Variants in JAZF1 observed in about 807,000 individuals in gnomAD.
The protein encoded by JAZF1 is juxtaposed with another zinc finger protein 1.
In JAZF1, 8 loss-of-function variants were observed where a neutral mutation model predicts 26.4. The ratio of observed to expected loss-of-function variants is 0.30; its 90% CI spans 0.18 to 0.55. JAZF1 has a LOEUF of 0.55. Ranked by LOEUF, JAZF1 falls within the 20% of genes least tolerant of loss-of-function variation. The pLI is 0.94. For synonymous variants in JAZF1, 126 were observed against 122.3 expected (o/e 1.03, Z -0.20); for missense variants, 199 against 322.0 (o/e 0.62, Z 2.92).
intron 2 of JAZF1, among the ~76,000 whole-genome samples, chr7:27,908,862 T>C (rs1457981009): frequency 2.0e-5 from 3 of 152,208 alleles, no homozygotes; most frequent in East Asian, 1.9e-4. Context: ...GAATCACAAA[T>C]AAAAATCAAG....
chr7:27,955,547 T>G lies in JAZF1; in HGVS notation c.188+36362A>C, dbSNP rs913353550. On this transcript the variant is annotated intron_variant, in intron 2 of 4. Coordinates refer to ENST00000283928, the MANE Select transcript of JAZF1 (RefSeq NM_175061.4). ...AAGGGGCATTCTTTGGGTTTCAGGC[T>G]TTCTGTGAGTCAATAACAAATCGTT... is the stretch of plus-strand genomic sequence containing the variant. Among the ~76,000 whole-genome samples the G allele has an allele frequency of 3.3e-5, 5 of 152,342 alleles. No homozygotes were observed. In the East Asian group the frequency reaches 9.6e-4, roughly 29 times the overall value.
intron 1 of JAZF1, among the ~76,000 whole-genome samples, chr7:28,076,790 G>A (rs1784058463): frequency 6.6e-6 from 1 of 150,702 alleles, no homozygotes; most frequent in African/African-American, 2.4e-5. Flanking sequence ...AGAAAACATT[G>A]TGCAAATATA....
intron 2 of JAZF1, among the ~76,000 whole-genome samples, chr7:27,914,388 G>C (rs1784410539): frequency 6.6e-6 from 1 of 152,192 alleles, no homozygotes; most frequent in Admixed American, 6.5e-5. Context: ...GTTATGCACA[G>C]CGTGAGGCCC....
intron 3 of JAZF1, among the ~76,000 whole-genome samples, chr7:27,892,028 T>C (rs1388928902): frequency 6.6e-6 from 1 of 152,180 alleles, no homozygotes; most frequent in Non-Finnish European, 1.5e-5. Flanking sequence ...ACCATGAATA[T>C]AGAACTTGCA....
chr7:28,046,502 A>G (rs986688511), intron 1 of JAZF1, among the ~76,000 whole-genome samples: 16 of 152,238 alleles, frequency 1.1e-4, no homozygotes, highest in African/African-American at 3.9e-4. Flanking sequence ...AAATATCATT[A>G]TGATGAATGT....
intron 1 of JAZF1, among the ~76,000 whole-genome samples, chr7:28,095,319 G>C (rs971325868): frequency 1.8e-4 from 28 of 152,154 alleles, no homozygotes; most frequent in Non-Finnish European, 4.0e-4. Flanking sequence ...TCACAGTTCA[G>C]CATTATCGGG....
intron 1 of JAZF1, among the ~76,000 whole-genome samples, chr7:28,151,107 A>AT (rs1562604432): frequency 2.8e-5 from 1 of 35,408 alleles, no homozygotes; most frequent in African/African-American, 2.1e-4. Context: ...ATATATATAT[A>AT]TATATTTTTT....
At chr7:28,040,703 G>C (rs1260599823) in intron 1 of JAZF1, among the ~76,000 whole-genome samples, 1 of 152,080 alleles carries the variant, frequency 6.6e-6, no homozygotes, top group African/African-American at 2.4e-5. Flanking sequence ...TGGAGTTTTA[G>C]ATACCCACTT....
At chr7:27,931,285 T>C (rs919785597) in intron 2 of JAZF1, among the ~76,000 whole-genome samples, 2 of 152,330 alleles carry the variant, frequency 1.3e-5, no homozygotes, top group African/African-American at 4.8e-5. Flanking sequence ...TAAAACTTTA[T>C]TTACAAAAAC....
chr7:28,045,356 G>A (rs1169494050), intron 1 of JAZF1, among the ~76,000 whole-genome samples: 1 of 152,154 alleles, frequency 6.6e-6, no homozygotes, highest in African/African-American at 2.4e-5. Context: ...TGCCAGGAAT[G>A]GGAAGAGTTT....
intron 1 of JAZF1, chr7:28,020,632 C>A: frequency 2.1e-6 from 1 of 471,202 alleles, no homozygotes. Context: ...AAGCATCAAA[C>A]GTTTTCTCAA....
intron 3 of JAZF1, among the ~76,000 whole-genome samples, chr7:27,857,299 C>T (rs551981362): frequency 1.3e-5 from 2 of 152,202 alleles, no homozygotes; most frequent in South Asian, 2.1e-4. Context: ...TGGCTGGCCG[C>T]TCCGAGTGCG....
At chr7:27,956,397 G>A (rs1162793275) in intron 2 of JAZF1, among the ~76,000 whole-genome samples, 1 of 152,204 alleles carries the variant, frequency 6.6e-6, no homozygotes, top group African/African-American at 2.4e-5. Context: ...CTTTGGGGGT[G>A]TAACCCAGGC....
At chr7:28,124,264 T>C (rs552139680) in intron 1 of JAZF1, among the ~76,000 whole-genome samples, 12 of 152,172 alleles carry the variant, frequency 7.9e-5, no homozygotes, top group Non-Finnish European at 1.5e-4. Context: ...GGCGGCCATC[T>C]GCAAGCCACA....
At chr7:28,090,488 T>C (rs190954067) in intron 1 of JAZF1, among the ~76,000 whole-genome samples, 2 of 152,362 alleles carry the variant, frequency 1.3e-5, no homozygotes, top group African/African-American at 4.8e-5. Flanking sequence ...GCCAATTACA[T>C]GCCAAAAGGA....
chr7:28,049,072 CCTCT>C (rs1182638919), intron 1 of JAZF1, among the ~76,000 whole-genome samples: 19 of 113,600 alleles, frequency 1.7e-4, no homozygotes, highest in South Asian at 1.3e-3. Context: ...TCCCTCCCTT[CCTCT>C]CTCTCTCTCT....
At chr7:27,996,145 G>T (rs976209920) in intron 1 of JAZF1, among the ~76,000 whole-genome samples, 13 of 152,178 alleles carry the variant, frequency 8.5e-5, no homozygotes, top group African/African-American at 2.9e-4. Context: ...TATTTGCCTG[G>T]TCAGGTGAGG....
chr7:27,998,100 A>T (rs1786059764), intron 1 of JAZF1, among the ~76,000 whole-genome samples: 1 of 152,048 alleles, frequency 6.6e-6, no homozygotes, highest in Non-Finnish European at 1.5e-5. Context: ...GCAGGCAGAC[A>T]TGAGCAAAGT....
At chr7:28,167,697 T>C (rs1169831423) in intron 1 of JAZF1, among the ~76,000 whole-genome samples, 1 of 152,162 alleles carries the variant, frequency 6.6e-6, no homozygotes, top group African/African-American at 2.4e-5. Flanking sequence ...GTGGTCCTGC[T>C]TTTTTTCCCA....
Sources: gnomAD v4.1 joint callset for allele counts (sites outside exome capture counted in the v4.1 genomes callset) on GRCh38, gnomAD v4.1.1 for gene constraint, MANE v1.5 for transcripts, NCBI Gene and HGNC (gene_info 2026-07-23, HGNC 2026-07-21) for gene names.